KCNT2: variants seen among roughly 807,000 people sequenced by gnomAD.
KCNT2 encodes potassium sodium-activated channel subfamily T member 2, also known as potassium channel subfamily T member 2.
KCNT2 carries 67 observed loss-of-function variants against 153.8 expected under a neutral mutation model. The ratio of observed to expected loss-of-function variants is 0.44; its 90% CI spans 0.36 to 0.53. The LOEUF is 0.53. Ranked by LOEUF, KCNT2 falls within the 20% of genes least tolerant of loss-of-function variation. The pLI, the probability that KCNT2 is intolerant of heterozygous loss-of-function variation, is 0.00. For missense variants in KCNT2, 975 were observed against 1,354.8 expected, an observed-to-expected ratio of 0.72 and a Z score of 4.40; for synonymous variants, 500 against 458.8, an observed-to-expected ratio of 1.09 and a Z score of -1.15.
chr1:196,390,205 C>A (rs1670351971), intron 13 of KCNT2, among the ~76,000 whole-genome samples: 1 of 151,052 alleles, frequency 6.6e-6, no homozygotes, highest in East Asian at 2.0e-4. Flanking sequence ...TGTCACTTTT[C>A]TAAGTGGATC....
At chr1:196,584,653 T>C (rs1178795538) in intron 1 of KCNT2, among the ~76,000 whole-genome samples, 1 of 152,138 alleles carries the variant, frequency 6.6e-6, no homozygotes, top group Non-Finnish European at 1.5e-5. Flanking sequence ...AACATTGTAG[T>C]AACTAGAAAT....
At chr1:196,322,381 G>T (rs1440412823) in intron 19 of KCNT2, among the ~76,000 whole-genome samples, 1 of 151,690 alleles carries the variant, frequency 6.6e-6, no homozygotes, top group Non-Finnish European at 1.5e-5. Context: ...ATCCAGGGAA[G>T]AATAAATATA....
At chr1:196,587,207 G>T (rs1173412527) in intron 1 of KCNT2, among the ~76,000 whole-genome samples, 2 of 151,924 alleles carry the variant, frequency 1.3e-5, no homozygotes, top group African/African-American at 2.4e-5. Context: ...GACTAAGAAG[G>T]TATCATTTAG....
chr1:196,355,414 T>C (rs1255623069), intron 14 of KCNT2, among the ~76,000 whole-genome samples: 1 of 151,710 alleles, frequency 6.6e-6, no homozygotes, highest in Non-Finnish European at 1.5e-5. Context: ...TGTTTGCCAT[T>C]TTCAGGATAA....
At chr1:196,607,580 A>G (rs1665459866) in intron 1 of KCNT2, among the ~76,000 whole-genome samples, 1 of 152,250 alleles carries the variant, frequency 6.6e-6, no homozygotes, top group South Asian at 2.1e-4. Context: ...TACAAACATC[A>G]TTATTCATAA....
At position 196,430,378 on chromosome 1, in the gene KCNT2, A is replaced by ATC. The variant is rs71154742; in HGVS notation, c.639-623_639-622dup. Among the ~76,000 whole-genome samples the ATC allele has an allele frequency of 3.6e-3, 525 of 144,584 alleles. 4 individuals carry two copies. Among genetic ancestry groups the ATC allele is most frequent in the East Asian group, 7.7e-3 (37 of 4,826 alleles). 94.9% of individuals were successfully genotyped at this position (144,584 alleles called of 152,430 possible). On this transcript the variant is annotated intron_variant, in intron 8 of 27. Coordinates refer to ENST00000294725, the MANE Select transcript of KCNT2 (RefSeq NM_198503.5). ...GGGAATGGGCTCCCTCACAAGATCG[A>ATC]TCTCTCTCTCTCTCTCTCTCTCTCT... is the stretch of plus-strand genomic sequence containing the variant.
At chr1:196,408,533 T>C (rs4275406) in intron 12 of KCNT2, among the ~76,000 whole-genome samples, 3,033 of 151,732 alleles carry the variant, frequency 0.02, 99 homozygotes, top group African/African-American at 0.069. Flanking sequence ...CTTTCTAATA[T>C]AAAGATTTAA....
chr1:196,453,996 A>ATT (rs140698730), intron 8 of KCNT2, among the ~76,000 whole-genome samples: 12 of 151,314 alleles, frequency 7.9e-5, no homozygotes, highest in South Asian at 2.1e-4. Context: ...TCATCTTTCC[A>ATT]TTTTTTTTAT....
At chr1:196,261,284 A>G (rs575312152) in intron 25 of KCNT2, among the ~76,000 whole-genome samples, 28 of 152,078 alleles carry the variant, frequency 1.8e-4, no homozygotes, top group Non-Finnish European at 3.1e-4. Flanking sequence ...CAGTTCTACC[A>G]CTTACCAGTT....
chr1:196,530,350 G>T (rs1654781123), intron 1 of KCNT2, among the ~76,000 whole-genome samples: 1 of 151,728 alleles, frequency 6.6e-6, no homozygotes. Flanking sequence ...AGCAATAAAA[G>T]ACAATTAGTT....
Position 196,608,414 on chromosome 1 carries a change from C to A in KCNT2, c.-105G>T. On this transcript the variant is annotated 5_prime_UTR_variant, in exon 1 of 28. Coordinates refer to ENST00000294725, the MANE Select transcript of KCNT2 (RefSeq NM_198503.5). ...GGAGAGGACTAACAAGACGCTGTGG[C>A]CGAGAGAGGGATGGGAGAAGGGGAA... 1.2e-6 allele frequency: 1 copy of A among 867,146 alleles called. No homozygotes were observed. Among genetic ancestry groups the A allele is most frequent in the Non-Finnish European group, 1.9e-6 (1 of 526,074 alleles). 53.7% of individuals were successfully genotyped at this position (867,146 alleles called of 1,614,324 possible). A position where few individuals can be genotyped will look rare whatever the true frequency, so the allele number is the denominator to read the frequency against.
chr1:196,596,084 A>ATATATATATC (rs1664049335), intron 1 of KCNT2, among the ~76,000 whole-genome samples: 2 of 34,660 alleles, frequency 5.8e-5, no homozygotes, highest in African/African-American at 1.6e-4. Flanking sequence ...ATATATATAT[A>ATATATATATC]TATATATATA....
chr1:196,476,004 C>T (rs1244614168), intron 5 of KCNT2, among the ~76,000 whole-genome samples: 1 of 152,084 alleles, frequency 6.6e-6, no homozygotes, highest in Non-Finnish European at 1.5e-5. Context: ...AAATTATAAG[C>T]AATAATTGAT....
chr1:196,580,395 T>C (rs192676308), intron 1 of KCNT2, among the ~76,000 whole-genome samples: 3 of 152,196 alleles, frequency 2.0e-5, no homozygotes, highest in Non-Finnish European at 2.9e-5. Flanking sequence ...CTGAGAGTGT[T>C]TCTTTCCACA....
At chr1:196,393,884 CA>C (rs1176119149) in intron 13 of KCNT2, among the ~76,000 whole-genome samples, 5 of 151,392 alleles carry the variant, frequency 3.3e-5, no homozygotes, top group Non-Finnish European at 7.4e-5. Context: ...ACAGAGAATA[CA>C]AAATGTTACA....
At chr1:196,451,380 A>G (rs774257881) in intron 8 of KCNT2, among the ~76,000 whole-genome samples, 1 of 141,642 alleles carries the variant, frequency 7.1e-6, no homozygotes, top group Non-Finnish European at 1.5e-5. Flanking sequence ...AGCTGGAACT[A>G]CAGACGTGCG....
At chr1:196,392,222 G>A (rs889348656) in intron 13 of KCNT2, among the ~76,000 whole-genome samples, 2 of 151,150 alleles carry the variant, frequency 1.3e-5, no homozygotes, top group African/African-American at 4.8e-5. Context: ...TTTAAACAGT[G>A]TAAGTTTGAT....
chr1:196,547,595 G>T (rs966482666), intron 1 of KCNT2, among the ~76,000 whole-genome samples: 2 of 151,548 alleles, frequency 1.3e-5, no homozygotes, highest in Non-Finnish European at 3.0e-5. Flanking sequence ...AAAAAATTTT[G>T]TATGGGATGA....
At chr1:196,381,955 T>C (rs75112591) in intron 13 of KCNT2, among the ~76,000 whole-genome samples, 3,033 of 152,184 alleles carry the variant, frequency 0.02, 100 homozygotes, top group African/African-American at 0.069. Flanking sequence ...GATTTATTAG[T>C]AGCAAATAAA....
Sources: allele counts gnomAD v4.1 joint callset (sites outside exome capture counted in the v4.1 genomes callset), GRCh38; gene constraint gnomAD v4.1.1; transcripts MANE v1.5; gene names NCBI Gene and HGNC (gene_info 2026-07-23, HGNC 2026-07-21).